Variants in UGGT2 observed in about 807,000 individuals in gnomAD.
UGGT2 encodes UDP-glucose glycoprotein glucosyltransferase 2, also known as UDP-glucose:glycoprotein glucosyltransferase 2.
Under a neutral mutation model 192.1 loss-of-function variants are expected in UGGT2, and 180 were observed. The observed-to-expected ratio is 0.94, with a 90% CI of 0.83 to 1.06. The LOEUF is 1.06. Among genes scored for constraint, UGGT2 ranks in the 50% least tolerant of loss-of-function variants. UGGT2 has a pLI of 0.00. For synonymous variants in UGGT2, 580 were observed against 591.0 expected (o/e 0.98, Z 0.27); for missense variants, 1,849 against 1,795.7 (o/e 1.03, Z -0.54).
chr13:95,942,233 T>G (rs900271157), intron 15 of UGGT2, among the ~76,000 whole-genome samples: 118 of 59,520 alleles, frequency 2.0e-3, no homozygotes, highest in Admixed American at 4.0e-3. Context: ...TGTGTGTGTG[T>G]GTGTGTGTGT....
chr13:95,950,353 T>G (rs2050018133), intron 12 of UGGT2, among the ~76,000 whole-genome samples: 1 of 152,082 alleles, frequency 6.6e-6, no homozygotes, highest in Non-Finnish European at 1.5e-5. Context: ...TAGTACTATA[T>G]ACACTGTAGA....
At chr13:96,052,356 T>C (rs2053510167) in intron 1 of UGGT2, among the ~76,000 whole-genome samples, 2 of 151,904 alleles carry the variant, frequency 1.3e-5, no homozygotes, top group African/African-American at 4.8e-5. Context: ...AGACTACAAA[T>C]TGGGTGCAGT....
chr13:95,865,335 CTG>C (rs1202061312), intron 30 of UGGT2, among the ~76,000 whole-genome samples: 2 of 152,106 alleles, frequency 1.3e-5, no homozygotes, highest in African/African-American at 2.4e-5. Flanking sequence ...GGAGATAAAA[CTG>C]TGTTATTAGA....
intron 10 of UGGT2, among the ~76,000 whole-genome samples, chr13:95,974,705 A>C (rs755290783): frequency 5.3e-5 from 8 of 152,202 alleles, no homozygotes; most frequent in Non-Finnish European, 1.2e-4. Context: ...TTAAATGAGG[A>C]GTAAGAATTC....
At chr13:95,997,778 T>C (rs1320791652) in intron 6 of UGGT2, among the ~76,000 whole-genome samples, 1 of 152,210 alleles carries the variant, frequency 6.6e-6, no homozygotes, top group Non-Finnish European at 1.5e-5. Context: ...AGCCCATGCA[T>C]AAAAGCATCC....
intron 2 of UGGT2, among the ~76,000 whole-genome samples, chr13:96,026,654 CTCT>C (rs1293975753): frequency 2.0e-5 from 3 of 146,676 alleles, no homozygotes; most frequent in Non-Finnish European, 3.0e-5. Flanking sequence ...GCCTCTTTCA[CTCT>C]TCTTTTTTTT....
In UGGT2 at chr13:95,909,713, GGCACAATGT is replaced by G. The variant is rs1219595968; in HGVS notation, c.2296-6662_2296-6654del. Among the ~76,000 whole-genome samples, 7 of 135,272 alleles carry G rather than the reference GGCACAATGT, an allele frequency of 5.2e-5. No homozygotes were observed. The Admixed American group carries it at 5.8e-4, about 11-fold the overall frequency. The allele number at this position is 135,272 out of a possible 152,430, so 88.7% of individuals were successfully genotyped here. On this transcript the variant is annotated intron_variant, in intron 20 of 38. Transcript: ENST00000376747. ...CACATGTATACATATGTAACTAACCGGCACAATGTGCACATGTACCCTAAAACTTGAAGT... is the reference window on the plus strand; with the variant it reads ...CACATGTATACATATGTAACTAACCGGCACATGTACCCTAAAACTTGAAGT...
Position 95,867,336 on chromosome 13 carries a change from T to C in UGGT2, c.3558+3A>G, listed in dbSNP as rs777532320. On this transcript the variant is annotated splice_donor_region_variant and intron_variant, in intron 30 of 38. Transcript: ENST00000376747. ...GCCTATAAAAAGTTCTGCCCCCACA[T>C]ACTTTTACTTTGAGTATCTTGCTTT... 2 of 1,602,200 alleles carry C rather than the reference T, an allele frequency of 1.2e-6. No homozygotes were observed. Among genetic ancestry groups the C allele is most frequent in the East Asian group, 4.5e-5 (2 of 44,232 alleles).
intron 1 of UGGT2, among the ~76,000 whole-genome samples, chr13:96,040,807 C>G (rs1489082787): frequency 2.0e-5 from 3 of 152,088 alleles, no homozygotes; most frequent in Non-Finnish European, 4.4e-5. Context: ...AGGAGCATAA[C>G]ACAGCAGTTC....
At chr13:95,960,252 C>A (rs1303147604) in intron 12 of UGGT2, among the ~76,000 whole-genome samples, 1 of 152,186 alleles carries the variant, frequency 6.6e-6, no homozygotes, top group African/African-American at 2.4e-5. Context: ...ATCTAAAAGA[C>A]ATTTATGAAA....
At chr13:96,016,007 G>T (rs922736890) in intron 4 of UGGT2, among the ~76,000 whole-genome samples, 3 of 152,174 alleles carry the variant, frequency 2.0e-5, no homozygotes, top group African/African-American at 2.4e-5. Context: ...TGGCTGCATT[G>T]TGCTTATGCC....
chr13:95,808,534 G>C (rs776523914), intron 38 of UGGT2, among the ~76,000 whole-genome samples: 1 of 151,414 alleles, frequency 6.6e-6, no homozygotes. Context: ...TGGTTGGGTC[G>C]AGGATCAGCA....
chr13:95,943,482 C>T lies in UGGT2; in HGVS notation c.1678-3391G>A, dbSNP rs1484199696. On this transcript the variant is annotated intron_variant, in intron 15 of 38. Coordinates refer to ENST00000376747, the MANE Select transcript of UGGT2 (RefSeq NM_020121.4). The stretch of plus-strand genomic sequence containing the variant: ...AATGTAGGAGTCATTACAGAAAGTA[C>T]TCTCATGAGGATAAGGATTGTTGGC... 2.0e-5 allele frequency among the ~76,000 whole-genome samples: 3 copies of T among 152,022 alleles called. No individual in the cohort carries two copies. The East Asian group carries it at 5.8e-4, about 29-fold the overall frequency.
At chr13:96,034,058 T>A (rs1195625342) in intron 1 of UGGT2, among the ~76,000 whole-genome samples, 1 of 152,046 alleles carries the variant, frequency 6.6e-6, no homozygotes, top group African/African-American at 2.4e-5. Flanking sequence ...GGGCCTCCCA[T>A]GGACGAGTCA....
chr13:95,884,792 A>C, intron 26 of UGGT2, 112 bp from the exon 27 acceptor site: 1 of 1,067,186 alleles, frequency 9.4e-7, no homozygotes, highest in Non-Finnish European at 1.3e-6. Flanking sequence ...TACAATCAAA[A>C]AGACTAAGAT....
intron 18 of UGGT2, 21 bp from the exon 19 acceptor site, chr13:95,927,147 C>A: frequency 6.2e-7 from 1 of 1,604,364 alleles, no homozygotes; most frequent in Non-Finnish European, 8.5e-7. Flanking sequence ...TCAAATTAAA[C>A]GTTAAATATA....
intron 34 of UGGT2, among the ~76,000 whole-genome samples, chr13:95,855,057 A>G (rs984110601): frequency 7.2e-6 from 1 of 139,474 alleles, no homozygotes; most frequent in Non-Finnish European, 1.5e-5. Flanking sequence ...GGATTGCTTG[A>G]GGCCAGAAGT....
At chr13:95,846,083 G>T (rs912469250) in intron 36 of UGGT2, among the ~76,000 whole-genome samples, 1 of 152,162 alleles carries the variant, frequency 6.6e-6, no homozygotes, top group Non-Finnish European at 1.5e-5. Flanking sequence ...CGGCTGGGAG[G>T]TGGAGGTTGT....
At chr13:95,869,213 G>T (rs2140123832) in intron 29 of UGGT2, among the ~76,000 whole-genome samples, 1 of 152,130 alleles carries the variant, frequency 6.6e-6, no homozygotes, top group East Asian at 1.9e-4. Flanking sequence ...CAAAGGACAT[G>T]AACTCATCAT....
Sources: allele counts gnomAD v4.1 joint callset (sites outside exome capture counted in the v4.1 genomes callset), GRCh38; gene constraint gnomAD v4.1.1; transcripts MANE v1.5; gene names NCBI Gene and HGNC (gene_info 2026-07-23, HGNC 2026-07-21).